NFXL1: variants seen among roughly 807,000 people sequenced by gnomAD.
The protein encoded by NFXL1 is nuclear transcription factor, X-box binding like 1.
Under a neutral mutation model 123.3 loss-of-function variants are expected in NFXL1, and 66 were observed. The observed-to-expected ratio is 0.54, with a 90% CI of 0.44 to 0.66. The LOEUF is 0.66. Among genes scored for constraint, NFXL1 ranks in the 30% least tolerant of loss-of-function variants. The pLI is 0.00. For synonymous variants in NFXL1, 346 were observed against 360.8 expected (o/e 0.96, Z 0.46); for missense variants, 944 against 1,125.6 (o/e 0.84, Z 2.31).
intron 17 of NFXL1, among the ~76,000 whole-genome samples, chr4:47,877,651 A>T (rs533345287): frequency 6.6e-6 from 1 of 152,214 alleles, no homozygotes; most frequent in Admixed American, 6.5e-5. Context: ...TGGATCAATG[A>T]AGAAATTAAA....
chr4:47,892,602 A>G lies in NFXL1; in HGVS notation c.1452+1578T>C, dbSNP rs547720119. ...ACCTTCTAATACCTGGGCATCAAGT[A>G]GAGTACTTAGAAGACTTACTGCCTC... On this transcript the variant is annotated intron_variant, in intron 11 of 22. Transcript: ENST00000507489. Among the ~76,000 whole-genome samples the G allele has an allele frequency of 3.9e-5, 6 of 152,330 alleles. No homozygotes were observed. In the South Asian group the frequency reaches 1.2e-3, roughly 32 times the overall value.
intron 20 of NFXL1, among the ~76,000 whole-genome samples, chr4:47,853,189 C>T (rs957679317): frequency 2.6e-5 from 4 of 152,042 alleles, no homozygotes; most frequent in Admixed American, 2.6e-4. Context: ...ACATGCTAAA[C>T]ACCATGACAG....
rs1445147537 is a variant in NFXL1 at position 47,890,684 on chromosome 4, G to A, written c.1472C>T (p.Pro491Leu). Residue 491 changes from proline to leucine, a missense_variant, in exon 12 of 23, where the codon CCA (proline) becomes CTA (leucine). By Grantham distance (98) the Pro-to-Leu change is moderately conservative. Around this residue, in one of 4 missense-constraint regions of NFXL1, gnomAD observed 296 missense variants for 395.1 expected, o/e 0.75. Transcript: ENST00000507489. ...CCGTCCACAGTTTTGATCACAAGGT[G>A]GACAGTTTCCAGGGCAACACTGAAG... ...CRRKCCPGNCPPCDQNCGRTL... is the reference protein window; with the variant it reads ...CRRKCCPGNCLPCDQNCGRTL... 6.2e-7 allele frequency: 1 copy of A among 1,609,004 alleles called. No homozygotes were observed. Among genetic ancestry groups the A allele is most frequent in the Admixed American group, 1.7e-5 (1 of 59,968 alleles).
rs3057881 is a variant in NFXL1 at position 47,899,138 on chromosome 4, C to CAAAAAA, written c.827-24_827-19dup. The CAAAAAA allele has an allele frequency of 1.6e-5, 20 of 1,212,190 alleles. No individual in the cohort carries two copies. The highest frequency in any genetic ancestry group is 1.1e-4 in the East Asian group (4 of 35,258). 75.1% of individuals were successfully genotyped at this position (1,212,190 alleles called of 1,614,324 possible). ...GCAGGGACCTAGAATTCAGTAAAAG[C>CAAAAAA]AAAAAAAAAAAAAAAAAAAAAATCT... On this transcript the variant is annotated intron_variant, in intron 6 of 22. Transcript: ENST00000507489.
intron 19 of NFXL1, among the ~76,000 whole-genome samples, chr4:47,857,556 G>A (rs956951361): frequency 2.0e-5 from 3 of 152,106 alleles, no homozygotes; most frequent in East Asian, 3.9e-4. Flanking sequence ...TTTCATTGAC[G>A]ACTTCAAAGT....
intron 20 of NFXL1, among the ~76,000 whole-genome samples, chr4:47,854,587 T>C (rs2110029617): frequency 6.6e-6 from 1 of 152,240 alleles, no homozygotes; most frequent in East Asian, 1.9e-4. Flanking sequence ...TATTTTACTT[T>C]ATAAGGCTAT....
chr4:47,909,940 C>T (rs965018074), intron 3 of NFXL1, among the ~76,000 whole-genome samples: 1 of 152,100 alleles, frequency 6.6e-6, no homozygotes, highest in African/African-American at 2.4e-5. Context: ...GGGTTATAGG[C>T]GTGAGCCACT....
chr4:47,851,741 T>C, intron 21 of NFXL1, 115 bp downstream of exon 21: 1 of 671,520 alleles, frequency 1.5e-6, no homozygotes, highest in Non-Finnish European at 2.5e-6. Context: ...AAACTAGGCT[T>C]TTATTATAAA....
At chr4:47,892,601 T>G (rs529561022) in intron 11 of NFXL1, among the ~76,000 whole-genome samples, 4 of 152,296 alleles carry the variant, frequency 2.6e-5, no homozygotes, top group Admixed American at 2.6e-4. Context: ...GGGCATCAAG[T>G]AGAGTACTTA....
At chr4:47,900,492 G>A (rs187264052) in intron 5 of NFXL1, among the ~76,000 whole-genome samples, 2 of 152,308 alleles carry the variant, frequency 1.3e-5, no homozygotes, top group Admixed American at 6.5e-5. Flanking sequence ...TTACAGGCGT[G>A]AGCCACTGTG....
chr4:47,890,752 A>G (rs1203063945), intron 11 of NFXL1, 49 bp from the exon 12 acceptor site: 1 of 992,482 alleles, frequency 1.0e-6, no homozygotes, highest in South Asian at 1.3e-5. Context: ...AAACCCATGA[A>G]TAATAGGCAT....
At chr4:47,890,758 G>A (rs756467179) in intron 11 of NFXL1, 55 bp from the exon 12 acceptor site, 106 of 945,776 alleles carry the variant, frequency 1.1e-4, no homozygotes, top group Non-Finnish European at 1.7e-4. Context: ...ATGAATAATA[G>A]GCATGTCATT....
chr4:47,886,556 G>A (rs1438263838), intron 12 of NFXL1, among the ~76,000 whole-genome samples: 2 of 151,970 alleles, frequency 1.3e-5, no homozygotes, highest in Admixed American at 6.6e-5. Flanking sequence ...TTATAGAGAT[G>A]GAGGGGTCTC....
rs1733909871 is a variant in NFXL1 at position 47,848,072 on chromosome 4, A to G, written c.*91T>C. On this transcript the variant is annotated 3_prime_UTR_variant, in exon 23 of 23. Transcript: ENST00000507489. ...AATACAGAGATGAATGTAAATATAT[A>G]TCATGTTCTATAATATACATTTTCT... 1.3e-6 allele frequency: 1 copy of G among 758,686 alleles called. No individual in the cohort carries two copies. Among genetic ancestry groups the G allele is most frequent in the South Asian group, 2.1e-5 (1 of 47,438 alleles). 47.0% of individuals were successfully genotyped at this position (758,686 alleles called of 1,614,324 possible). A position where few individuals can be genotyped will look rare whatever the true frequency, so the allele number is the denominator to read the frequency against.
At chr4:47,913,483 G>C (rs779768345) in intron 2 of NFXL1, among the ~76,000 whole-genome samples, 1 of 152,182 alleles carries the variant, frequency 6.6e-6, no homozygotes, top group Non-Finnish European at 1.5e-5. Context: ...AGAAATGAGA[G>C]AGAATGTGAG....
chr4:47,859,050 C>CTTTA (rs541052329), intron 19 of NFXL1, among the ~76,000 whole-genome samples: 16 of 152,122 alleles, frequency 1.1e-4, no homozygotes, highest in Non-Finnish European at 2.2e-4. Context: ...TGATGGTTAT[C>CTTTA]TTTACTACAG....
chr4:47,890,583 CAT>C (rs752228298), intron 12 of NFXL1, 28 bp downstream of exon 12: 4 of 1,211,748 alleles, frequency 3.3e-6, no homozygotes, highest in East Asian at 2.3e-5. Flanking sequence ...TCACTACAAA[CAT>C]AAAATCATAG....
intron 10 of NFXL1, 32 bp from the exon 11 acceptor site, chr4:47,894,334 G>T: frequency 6.6e-7 from 1 of 1,510,324 alleles, no homozygotes; most frequent in Admixed American, 2.1e-5. Context: ...TATTAAAATT[G>T]ATTTTTGTTA....
intron 2 of NFXL1, 138 bp downstream of exon 2, chr4:47,913,831 T>C (rs892714523): frequency 1.3e-5 from 7 of 559,674 alleles, no homozygotes; most frequent in Non-Finnish European, 2.1e-5. Context: ...CCCGAAAGGC[T>C]GGAGAAGTGG....
Sources: gnomAD v4.1 joint callset for allele counts (sites outside exome capture counted in the v4.1 genomes callset) on GRCh38, gnomAD v4.1.1 for gene constraint, gnomAD v4.1.1 regional missense constraint, MANE v1.5 for transcripts, NCBI Gene and HGNC (gene_info 2026-07-23, HGNC 2026-07-21) for gene names.